The following TMEM132D variants were observed in gnomAD, a reference collection of about 807,000 sequenced individuals.
TMEM132D encodes the protein transmembrane protein 132D, also known as mature OL transmembrane protein.
Under a neutral mutation model 62.3 loss-of-function variants are expected in TMEM132D, and 21 were observed. That is an observed-to-expected ratio of 0.34 (90% CI 0.24 to 0.49). The LOEUF is 0.49. Ranked by LOEUF, TMEM132D falls within the 20% of genes least tolerant of loss-of-function variation. TMEM132D has a pLI of 0.99. For missense variants in TMEM132D, 1,346 were observed against 1,402.8 expected (o/e 0.96, Z 0.65); for synonymous variants, 621 against 575.6 (o/e 1.08, Z -1.13).
At chr12:129,092,565 G>A (rs1344992964) in intron 5 of TMEM132D, among the ~76,000 whole-genome samples, 4 of 152,006 alleles carry the variant, frequency 2.6e-5, no homozygotes, top group Non-Finnish European at 4.4e-5. Flanking sequence ...GCTTGGTGGC[G>A]GCGCCTGTAA....
intron 5 of TMEM132D, among the ~76,000 whole-genome samples, chr12:129,179,732 A>C (rs1878012150): frequency 6.6e-6 from 1 of 152,158 alleles, no homozygotes; most frequent in East Asian, 1.9e-4. Flanking sequence ...CACCAGCTTC[A>C]AAAAAGTGAC....
At chr12:129,365,243 T>C (rs549920877) in intron 3 of TMEM132D, among the ~76,000 whole-genome samples, 2 of 152,286 alleles carry the variant, frequency 1.3e-5, no homozygotes, top group African/African-American at 4.8e-5. Flanking sequence ...TTATCTGACC[T>C]GTGAACACTA....
chr12:129,463,889 C>G (rs530259792), intron 3 of TMEM132D, among the ~76,000 whole-genome samples: 2,507 of 150,372 alleles, frequency 0.017, 60 homozygotes, highest in African/African-American at 0.055. Context: ...GGACATTTGG[C>G]TTGGTTCCAA....
intron 1 of TMEM132D, among the ~76,000 whole-genome samples, chr12:129,851,472 A>C (rs9634057): frequency 0.99 from 151,278 of 152,226 alleles, 75,174 homozygotes; most frequent in Middle Eastern, 1. Flanking sequence ...ACACTGCTCT[A>C]GGTTGGAGAT....
At chr12:129,300,238 C>T (rs1442803932) in intron 4 of TMEM132D, among the ~76,000 whole-genome samples, 1 of 152,190 alleles carries the variant, frequency 6.6e-6, no homozygotes, top group Non-Finnish European at 1.5e-5. Context: ...CCGACCAACA[C>T]TCAGAGAAGT....
At chr12:129,818,572 G>A (rs890769037) in intron 1 of TMEM132D, among the ~76,000 whole-genome samples, 31 of 150,602 alleles carry the variant, frequency 2.1e-4, no homozygotes, top group Middle Eastern at 3.4e-3. Context: ...ATGTGTGTAT[G>A]TGTATGTGTG....
At chr12:129,850,159 ATC>A (rs539890554) in intron 1 of TMEM132D, among the ~76,000 whole-genome samples, 2 of 152,032 alleles carry the variant, frequency 1.3e-5, no homozygotes, top group African/African-American at 2.4e-5. Context: ...GAAGTGGTGG[ATC>A]TCTCTCTCTC....
chr12:129,247,591 TA>T (rs1353749146), intron 4 of TMEM132D, among the ~76,000 whole-genome samples: 1 of 152,234 alleles, frequency 6.6e-6, no homozygotes, highest in Non-Finnish European at 1.5e-5. Flanking sequence ...AAGACGTTGC[TA>T]CAAATCATGC....
At chr12:129,175,109 T>C (rs1284090218) in intron 5 of TMEM132D, among the ~76,000 whole-genome samples, 1 of 152,268 alleles carries the variant, frequency 6.6e-6, no homozygotes, top group African/African-American at 2.4e-5. Flanking sequence ...CTGGCTTTTG[T>C]TGCAATTGCT....
intron 3 of TMEM132D, among the ~76,000 whole-genome samples, chr12:129,377,642 T>A (rs7979466): frequency 0.72 from 109,047 of 151,758 alleles, 39,737 homozygotes; most frequent in Non-Finnish European, 0.76. Flanking sequence ...TCCTGATATT[T>A]AGAGGAACTG....
chr12:129,172,831 G>A (rs1428942492), intron 5 of TMEM132D, among the ~76,000 whole-genome samples: 1 of 152,156 alleles, frequency 6.6e-6, no homozygotes, highest in African/African-American at 2.4e-5. Context: ...ACCCACCTCG[G>A]CCTCCCAAAG....
chr12:129,308,498 G>T (rs895603279), intron 4 of TMEM132D, among the ~76,000 whole-genome samples: 1 of 152,108 alleles, frequency 6.6e-6, no homozygotes, highest in African/African-American at 2.4e-5. Flanking sequence ...CCATTTCTCT[G>T]CCACAGAAAC....
At chr12:129,760,635 C>G (rs7959485) in intron 1 of TMEM132D, among the ~76,000 whole-genome samples, 32,469 of 142,078 alleles carry the variant, frequency 0.23, 3,637 homozygotes, top group South Asian at 0.31. Context: ...GCATGAGTCA[C>G]TGCGCCCGGA....
chr12:129,206,708 G>C (rs1878857738), intron 5 of TMEM132D, among the ~76,000 whole-genome samples: 3 of 152,248 alleles, frequency 2.0e-5, no homozygotes, highest in African/African-American at 4.8e-5. Flanking sequence ...AACCTAAATG[G>C]CCATCAGTGC....
chr12:129,578,482 T>G (rs919781578), intron 2 of TMEM132D, among the ~76,000 whole-genome samples: 2 of 150,430 alleles, frequency 1.3e-5, no homozygotes, highest in Non-Finnish European at 2.9e-5. Flanking sequence ...TAGGGGATAA[T>G]AAAATTATAT....
intron 5 of TMEM132D, among the ~76,000 whole-genome samples, chr12:129,181,892 G>A (rs4964861): frequency 0.5 from 76,493 of 151,888 alleles, 19,321 homozygotes; most frequent in East Asian, 0.63. Context: ...GATTTGAAAA[G>A]CTGCTTTTCT....
chr12:129,663,811 T>A (rs1880305287), intron 2 of TMEM132D, among the ~76,000 whole-genome samples: 1 of 152,186 alleles, frequency 6.6e-6, no homozygotes, highest in Non-Finnish European at 1.5e-5. Flanking sequence ...CTCCACAAAA[T>A]ACGCTGCTTT....
intron 3 of TMEM132D, among the ~76,000 whole-genome samples, chr12:129,471,077 T>C (rs933929010): frequency 1.3e-5 from 2 of 152,154 alleles, no homozygotes; most frequent in Non-Finnish European, 2.9e-5. Flanking sequence ...AAATCCCTCA[T>C]GGCATAAGCA....
intron 2 of TMEM132D, among the ~76,000 whole-genome samples, chr12:129,625,175 C>A (rs1879180456): frequency 6.6e-6 from 1 of 152,258 alleles, no homozygotes; most frequent in Admixed American, 6.5e-5. Context: ...CTATTCATAC[C>A]TTTTACCCAT....
Sources: allele counts gnomAD v4.1 joint callset (sites outside exome capture counted in the v4.1 genomes callset), GRCh38; gene constraint gnomAD v4.1.1; transcripts MANE v1.5; gene names NCBI Gene and HGNC (gene_info 2026-07-23, HGNC 2026-07-21).